PTPN13: variants seen among roughly 807,000 people sequenced by gnomAD.
PTPN13 encodes the protein tyrosine-protein phosphatase non-receptor type 13.
Under a neutral mutation model 284.0 loss-of-function variants are expected in PTPN13, and 191 were observed. The observed-to-expected ratio is 0.67, with a 90% confidence interval of 0.60 to 0.76. The LOEUF (loss-of-function observed/expected upper bound fraction) is 0.76. Ranked by LOEUF, PTPN13 falls within the 30% of genes least tolerant of loss-of-function variation. The pLI, the probability that PTPN13 is intolerant of heterozygous loss-of-function variation, is 0.00. For missense variants in PTPN13, 2,797 were observed against 2,939.9 expected (o/e 0.95, Z 1.12); for synonymous variants, 986 against 1,022.3 (o/e 0.96, Z 0.68).
intron 24 of PTPN13, among the ~76,000 whole-genome samples, chr4:86,764,286 T>C (rs181031962): frequency 3.9e-5 from 6 of 152,266 alleles, no homozygotes; most frequent in Non-Finnish European, 8.8e-5. Flanking sequence ...TATCTAGCAG[T>C]TTGACCTGAA....
intron 40 of PTPN13, among the ~76,000 whole-genome samples, chr4:86,792,737 G>A (rs751411174): frequency 5.9e-5 from 9 of 152,168 alleles, no homozygotes; most frequent in Non-Finnish European, 1.2e-4. Flanking sequence ...GTTCAACTCA[G>A]AATCTCATAT....
chr4:86,717,130 A>G lies in PTPN13; in HGVS notation c.1385+13A>G, dbSNP rs756896543. On this transcript the variant is annotated intron_variant, in intron 9 of 47. Coordinates refer to ENST00000411767, the MANE Select transcript of PTPN13 (RefSeq NM_080683.3). The stretch of plus-strand genomic sequence containing the variant: ...CACAGAGACCGAGGTATGTCATGAA[A>G]AAGTAGTGATGATACATTTCCAGTG... 1.9e-6 allele frequency: 3 copies of G among 1,561,604 alleles called. No homozygotes were observed. The African/African-American group carries it at 4.1e-5, about 21-fold the overall frequency.
chr4:86,701,432 C>T lies in PTPN13; in HGVS notation c.826C>T (p.Gln276Ter). 2 of 1,613,642 alleles carry T rather than the reference C, an allele frequency of 1.2e-6. No homozygotes were observed. The highest frequency in any genetic ancestry group is 1.7e-6 in the Non-Finnish European group (2 of 1,179,666). ...TTCTGAAAATACATTCTCCCCTTACCAGTTCAAAACTAGTGGCCCAGAAAA... is the reference window on the plus strand; with the variant it reads ...TTCTGAAAATACATTCTCCCCTTACTAGTTCAAAACTAGTGGCCCAGAAAA... ...EDSENTFSPY[Q>*]FKTSGPEKKP... The change falls in exon 7 of 48, where the codon CAG becomes TAG. Residue 276 changes from glutamine (Q) to a stop codon, truncating the protein, a stop_gained. Transcript: ENST00000411767. LOFTEE classifies it high-confidence loss of function.
intron 1 of PTPN13, among the ~76,000 whole-genome samples, chr4:86,602,459 GTATACT>G (rs1035205777): frequency 8.6e-5 from 13 of 151,422 alleles, no homozygotes; most frequent in African/African-American, 2.7e-4. Flanking sequence ...ATTATTTTTA[GTATACT>G]TATATTTGAT....
chr4:86,722,138 A>G, intron 9 of PTPN13, 74 bp from the exon 10 acceptor site: 1 of 1,267,986 alleles, frequency 7.9e-7, no homozygotes, highest in Admixed American at 2.1e-5. Flanking sequence ...CTTACTTAAA[A>G]TGAAATTTGC....
chr4:86,798,578 G>GA (rs34891648), intron 41 of PTPN13, among the ~76,000 whole-genome samples: 15,149 of 152,172 alleles, frequency 0.1, 877 homozygotes, highest in Non-Finnish European at 0.11. Context: ...CCTTACCAAA[G>GA]AGGGCATCTG....
At chr4:86,809,518 TG>T (rs1196618848) in intron 45 of PTPN13, among the ~76,000 whole-genome samples, 1 of 152,020 alleles carries the variant, frequency 6.6e-6, no homozygotes, top group Non-Finnish European at 1.5e-5. Context: ...ACCAACATGG[TG>T]AAACCCCATC....
intron 21 of PTPN13, 33 bp downstream of exon 21, chr4:86,758,382 A>G (rs767322415): frequency 4.8e-5 from 73 of 1,506,252 alleles, no homozygotes; most frequent in Non-Finnish European, 6.4e-5. Context: ...AAGGTCTATG[A>G]TTGTTGGGGA....
chr4:86,741,763 C>T lies in PTPN13; in HGVS notation c.2434C>T (p.Arg812Cys), dbSNP rs779639264. 8 of 1,612,558 alleles carry T rather than the reference C, an allele frequency of 5.0e-6. No homozygotes were observed. The highest frequency in any genetic ancestry group is 2.2e-5 in the East Asian group (1 of 44,816). ...TGTGTTTGAAGTTCACAATGGAGTG[C>T]GCACATTGGTCCTTCGCTTTCCATG... is the stretch of plus-strand genomic sequence containing the variant. ...VLVFEVHNGV[R>C]TLVLRFPWRE... Residue 812 changes from arginine to cysteine, a missense_variant, in exon 16 of 48, where the codon CGC becomes TGC. Transcript: ENST00000411767.
In PTPN13 at chr4:86,772,931, G is replaced by A. The variant is rs761287863; in HGVS notation, c.5322G>A (p.Leu1774=). ...QENWTPLKND[L]ENHLEDFELE... ...ACTGGACACCTTTGAAAAATGACTT[G>A]GAAAATCACCTTGAAGACTTTGAAC... The change falls in exon 32 of 48, where the codon TTG becomes TTA. Residue 1774 remains leucine (L), a synonymous_variant. Transcript: ENST00000411767. 5 of 1,601,732 alleles carry A rather than the reference G, an allele frequency of 3.1e-6. No homozygotes were observed. In the East Asian group the frequency reaches 1.1e-4, roughly 36 times the overall value.
At chr4:86,789,286 T>C (rs1454894959) in intron 40 of PTPN13, among the ~76,000 whole-genome samples, 1 of 152,232 alleles carries the variant, frequency 6.6e-6, no homozygotes, top group African/African-American at 2.4e-5. Flanking sequence ...AAACATTGTC[T>C]TCTTATGTAG....
At chr4:86,711,553 G>A (rs1732420470) in intron 7 of PTPN13, among the ~76,000 whole-genome samples, 1 of 151,930 alleles carries the variant, frequency 6.6e-6, no homozygotes. Flanking sequence ...CTAACACTGT[G>A]ATTTTTTGCT....
intron 1 of PTPN13, among the ~76,000 whole-genome samples, chr4:86,596,160 G>A (rs971924286): frequency 3.9e-5 from 6 of 152,076 alleles, no homozygotes; most frequent in Non-Finnish European, 7.4e-5. Context: ...TGTGGGGAGA[G>A]GATAGGATGG....
intron 16 of PTPN13, among the ~76,000 whole-genome samples, chr4:86,744,387 A>G (rs1031059930): frequency 1.1e-4 from 16 of 152,172 alleles, no homozygotes; most frequent in African/African-American, 3.9e-4. Flanking sequence ...AAACATTACC[A>G]TAAATTCAAA....
At chr4:86,762,685 A>G in intron 23 of PTPN13, 42 bp from the exon 24 acceptor site, 1 of 1,424,220 alleles carries the variant, frequency 7.0e-7, no homozygotes, top group Non-Finnish European at 9.8e-7. Context: ...AAGCACGTGT[A>G]TCACTAACTT....
intron 2 of PTPN13, among the ~76,000 whole-genome samples, chr4:86,657,281 G>A (rs530790182): frequency 1.3e-5 from 2 of 152,288 alleles, no homozygotes. Flanking sequence ...CGGTACCTCA[G>A]TTGGAAATGT....
chr4:86,757,274 A>G (rs530076621), intron 20 of PTPN13, among the ~76,000 whole-genome samples: 2 of 152,300 alleles, frequency 1.3e-5, no homozygotes, highest in East Asian at 1.9e-4. Context: ...TTTATCAAGG[A>G]CTGACTTCAG....
At chr4:86,686,801 T>A (rs1729507278) in intron 4 of PTPN13, 26 bp downstream of exon 4, 2 of 1,478,110 alleles carry the variant, frequency 1.4e-6, no homozygotes. Context: ...ACAGTTGTTA[T>A]ACTTTTTACA....
At chr4:86,635,920 G>A (rs577252642) in intron 2 of PTPN13, among the ~76,000 whole-genome samples, 2 of 152,094 alleles carry the variant, frequency 1.3e-5, no homozygotes, top group Non-Finnish European at 2.9e-5. Flanking sequence ...CCAAGATTAT[G>A]CCACTGCACT....
Sources: gnomAD v4.1 joint callset for allele counts (sites outside exome capture counted in the v4.1 genomes callset) on GRCh38, gnomAD v4.1.1 for gene constraint, MANE v1.5 for transcripts, NCBI Gene and HGNC (gene_info 2026-07-23, HGNC 2026-07-21) for gene names.